DCDC1: variants seen among roughly 807,000 people sequenced by gnomAD.
The protein encoded by DCDC1 is doublecortin domain-containing protein 1.
Under a neutral mutation model 178.3 loss-of-function variants are expected in DCDC1, and 200 were observed. That is an observed-to-expected ratio of 1.12 (90% CI 1.00 to 1.26). DCDC1 has a LOEUF of 1.26. Ranked by LOEUF, DCDC1 falls within the 50% of genes most tolerant of loss-of-function variation. DCDC1 has a pLI of 0.00. For synonymous variants in DCDC1, 690 were observed against 604.8 expected, an observed-to-expected ratio of 1.14 and a Z score of -2.07; for missense variants, 1,983 against 1,749.2, an observed-to-expected ratio of 1.13 and a Z score of -2.38.
At chr11:30,987,535 T>C (rs1440637959) in intron 20 of DCDC1, among the ~76,000 whole-genome samples, 1 of 152,166 alleles carries the variant, frequency 6.6e-6, no homozygotes, top group Non-Finnish European at 1.5e-5. Flanking sequence ...GTCAACATGA[T>C]AGAGATGGAC....
chr11:31,144,907 A>G (rs956112823), intron 9 of DCDC1, among the ~76,000 whole-genome samples: 3 of 152,054 alleles, frequency 2.0e-5, no homozygotes, highest in Non-Finnish European at 4.4e-5. Context: ...CCAGACATTC[A>G]TTTCATTAAT....
chr11:31,017,740 C>T lies in DCDC1; in HGVS notation c.2591+46729G>A, dbSNP rs181713251. On this transcript the variant is annotated intron_variant, in intron 20 of 38. Coordinates refer to ENST00000684477, the MANE Select transcript of DCDC1 (RefSeq NM_001387274.1). ...CACTACAGGCACACATGCCACCATGCCCAGCTAGTTTTTGGTTTTGATTTT... is the reference window on the plus strand; with the variant it reads ...CACTACAGGCACACATGCCACCATGTCCAGCTAGTTTTTGGTTTTGATTTT... Among the ~76,000 whole-genome samples, 3 of 152,156 alleles carry T rather than the reference C, an allele frequency of 2.0e-5. No individual in the cohort carries two copies. The East Asian group carries it at 5.8e-4, about 30-fold the overall frequency.
Position 31,310,301 on chromosome 11 carries a change from ATTCTTGATT to A in DCDC1, c.165-2402_165-2394del, listed in dbSNP as rs1221328498. Among the ~76,000 whole-genome samples the A allele has an allele frequency of 1.2e-4, 13 of 108,836 alleles. 1 individual carries two copies. Among genetic ancestry groups the A allele is most frequent in the African/African-American group, 4.7e-4 (11 of 23,192 alleles). 71.4% of individuals were successfully genotyped at this position (108,836 alleles called of 152,430 possible). ...CAACATTGAGGACAGGTTTTCAGTAATTCTTGATTTTTTTTTTTTTTTTTTTTTTTTTTT... is the reference window on the plus strand; with the variant it reads ...CAACATTGAGGACAGGTTTTCAGTAATTTTTTTTTTTTTTTTTTTTTTTTT... On this transcript the variant is annotated intron_variant, in intron 3 of 38. Transcript: ENST00000684477.
chr11:30,981,334 TTAAAA>T (rs1256273096), intron 20 of DCDC1, among the ~76,000 whole-genome samples: 1 of 152,092 alleles, frequency 6.6e-6, no homozygotes, highest in Non-Finnish European at 1.5e-5. Context: ...ACCCCATGAA[TTAAAA>T]TAAATTTTAA....
intron 11 of DCDC1, among the ~76,000 whole-genome samples, chr11:31,124,147 G>A (rs1412070457): frequency 1.3e-5 from 2 of 152,016 alleles, no homozygotes; most frequent in African/African-American, 2.4e-5. Flanking sequence ...TATGATACTG[G>A]CTGTGGGTTT....
intron 1 of DCDC1, among the ~76,000 whole-genome samples, chr11:31,356,165 A>C (rs1057057479): frequency 4.6e-5 from 7 of 152,292 alleles, no homozygotes; most frequent in South Asian, 2.1e-4. Flanking sequence ...ACAACAACAA[A>C]AAAAGAACAA....
At chr11:30,908,006 T>C (rs1267433021) in intron 29 of DCDC1, among the ~76,000 whole-genome samples, 8 of 152,108 alleles carry the variant, frequency 5.3e-5, no homozygotes, top group Admixed American at 1.3e-4. Flanking sequence ...TTAATCAATG[T>C]AGGAAAAAAT....
At chr11:31,289,008 T>C (rs1336575286) in intron 7 of DCDC1, among the ~76,000 whole-genome samples, 3 of 151,998 alleles carry the variant, frequency 2.0e-5, no homozygotes, top group Non-Finnish European at 1.5e-5. Context: ...AGTTCTATCA[T>C]GAATTTGTGA....
In DCDC1 at chr11:31,106,954, GAAGT is replaced by G; in HGVS notation, c.1590_1593del (p.Leu530PhefsTer39). On this transcript the variant is annotated frameshift_variant and splice_region_variant, in exon 13 of 39. Coordinates refer to ENST00000684477, the MANE Select transcript of DCDC1 (RefSeq NM_001387274.1). LOFTEE classifies it high-confidence loss of function. ...CCTTGAAGCCTTTGATGAATCTTGA[GAAGT>G]AACTGGTTGGGGGTTAGAGGGGCAG... The G allele has an allele frequency of 1.3e-6, 1 of 765,108 alleles. No individual in the cohort carries two copies. The highest frequency in any genetic ancestry group is 2.4e-6 in the Non-Finnish European group (1 of 417,506). The allele number at this position is 765,108 out of a possible 1,614,324, so 47.4% of individuals were successfully genotyped here. A position where few individuals can be genotyped will look rare whatever the true frequency, so the allele number is the denominator to read the frequency against.
intron 23 of DCDC1, among the ~76,000 whole-genome samples, chr11:30,923,254 C>T (rs1252285615): frequency 6.6e-6 from 1 of 152,024 alleles, no homozygotes; most frequent in Non-Finnish European, 1.5e-5. Flanking sequence ...ACCATATGGC[C>T]CACAAAACCT....
intron 21 of DCDC1, among the ~76,000 whole-genome samples, chr11:30,932,889 T>C (rs1028195622): frequency 6.6e-6 from 1 of 152,138 alleles, no homozygotes; most frequent in Admixed American, 6.6e-5. Context: ...GGGTGGATGG[T>C]ATTGCTGTTC....
chr11:30,890,240 A>G (rs12276004), intron 36 of DCDC1, among the ~76,000 whole-genome samples: 3,614 of 152,318 alleles, frequency 0.024, 123 homozygotes, highest in African/African-American at 0.082. Flanking sequence ...AAACTAATAC[A>G]TATGTATATG....
At chr11:31,058,544 G>A (rs1046198471) in intron 20 of DCDC1, among the ~76,000 whole-genome samples, 1 of 152,040 alleles carries the variant, frequency 6.6e-6, no homozygotes, top group Non-Finnish European at 1.5e-5. Flanking sequence ...CTCAGAAAAG[G>A]CCATGAAGCC....
chr11:31,001,257 G>A (rs1951560137), intron 20 of DCDC1, among the ~76,000 whole-genome samples: 1 of 151,898 alleles, frequency 6.6e-6, no homozygotes, highest in Non-Finnish European at 1.5e-5. Context: ...GTCAAGTAAA[G>A]GCATTTTGAA....
chr11:31,304,554 A>G (rs1318801799), intron 6 of DCDC1, among the ~76,000 whole-genome samples: 2 of 152,150 alleles, frequency 1.3e-5, no homozygotes, highest in African/African-American at 4.8e-5. Context: ...TTTCTATTGA[A>G]TTCAAGAAAT....
chr11:30,930,716 T>C (rs978274128), intron 22 of DCDC1, among the ~76,000 whole-genome samples: 3 of 152,156 alleles, frequency 2.0e-5, no homozygotes, highest in African/African-American at 7.2e-5. Flanking sequence ...CAATTAAAGA[T>C]AGAAAACAAG....
At chr11:31,329,235 C>T (rs1203591469) in intron 2 of DCDC1, among the ~76,000 whole-genome samples, 1 of 152,006 alleles carries the variant, frequency 6.6e-6, no homozygotes, top group African/African-American at 2.4e-5. Context: ...GAGATGAAAG[C>T]AGACCTAAGA....
chr11:31,033,042 C>G (rs1190274174), intron 20 of DCDC1, among the ~76,000 whole-genome samples: 1 of 152,078 alleles, frequency 6.6e-6, no homozygotes, highest in Non-Finnish European at 1.5e-5. Context: ...CAATTCCATC[C>G]CAGCTGTTTA....
chr11:31,240,198 TTAAA>T (rs553841589), intron 9 of DCDC1, among the ~76,000 whole-genome samples: 189 of 152,106 alleles, frequency 1.2e-3, no homozygotes, highest in Admixed American at 2.6e-3. Flanking sequence ...ATCTTAAAAC[TTAAA>T]TAATATTTCA....
Sources: gnomAD v4.1 joint callset for allele counts (sites outside exome capture counted in the v4.1 genomes callset) on GRCh38, gnomAD v4.1.1 for gene constraint, MANE v1.5 for transcripts, NCBI Gene and HGNC (gene_info 2026-07-23, HGNC 2026-07-21) for gene names.